The following EFTUD2 variants were observed in gnomAD, a reference collection of about 807,000 sequenced individuals.
EFTUD2 encodes elongation factor Tu GTP binding domain containing 2, also known as 116 kDa U5 small nuclear ribonucleoprotein component.
EFTUD2 carries 9 observed loss-of-function variants against 114.3 expected under a neutral mutation model. The ratio of observed to expected loss-of-function variants is 0.08; its 90% confidence interval spans 0.05 to 0.14. EFTUD2 has a LOEUF of 0.14. Among genes scored for constraint, EFTUD2 ranks in the 10% least tolerant of loss-of-function variants. EFTUD2 has a pLI of 1.00. For missense variants in EFTUD2, 765 were observed against 1,241.2 expected, an observed-to-expected ratio of 0.62 and a Z score of 5.76; for synonymous variants, 449 against 462.3, an observed-to-expected ratio of 0.97 and a Z score of 0.37.
intron 10 of EFTUD2, among the ~76,000 whole-genome samples, chr17:44,874,198 C>A (rs745752467): frequency 4.0e-5 from 6 of 151,830 alleles, no homozygotes; most frequent in Non-Finnish European, 8.8e-5. Flanking sequence ...CATGCCAGCA[C>A]GCCAAGCTAA....
intron 10 of EFTUD2, among the ~76,000 whole-genome samples, chr17:44,874,634 G>A (rs543095127): frequency 1.6e-4 from 25 of 152,242 alleles, no homozygotes; most frequent in Middle Eastern, 3.4e-3. Flanking sequence ...CTTTCAGCCT[G>A]TAGTAAGACT....
chr17:44,870,371 G>A (rs2050825488), intron 11 of EFTUD2, among the ~76,000 whole-genome samples: 1 of 152,070 alleles, frequency 6.6e-6, no homozygotes, highest in Non-Finnish European at 1.5e-5. Context: ...TTATTGTTTA[G>A]CTACCCATTT....
In EFTUD2 at chr17:44,876,180, T is replaced by C. The variant is rs1036767604; in HGVS notation, c.703-80A>G. 19 of 1,492,124 alleles carry C rather than the reference T, an allele frequency of 1.3e-5. No individual in the cohort carries two copies. The African/African-American group carries it at 1.8e-4, about 14-fold the overall frequency. The allele number at this position is 1,492,124 out of a possible 1,614,324, so 92.4% of individuals were successfully genotyped here. A position where few individuals can be genotyped will look rare whatever the true frequency, so the allele number is the denominator to read the frequency against. On this transcript the variant is annotated intron_variant, in intron 9 of 27. Coordinates refer to ENST00000426333, the MANE Select transcript of EFTUD2 (RefSeq NM_004247.4). ...CAAAGCAGAACCAAAGAAGGCACTATTTCAAACCATGAAGCCTGGGGAGAA... is the reference window on the plus strand; with the variant it reads ...CAAAGCAGAACCAAAGAAGGCACTACTTCAAACCATGAAGCCTGGGGAGAA...
intron 9 of EFTUD2, among the ~76,000 whole-genome samples, chr17:44,878,611 T>A (rs899348406): frequency 1.3e-5 from 2 of 152,248 alleles, no homozygotes; most frequent in Admixed American, 1.3e-4. Flanking sequence ...ATGTCCTTAT[T>A]CTTAGAAAAT....
chr17:44,873,049 T>G (rs1012386307), intron 10 of EFTUD2: 1 of 152,700 alleles, frequency 6.5e-6, no homozygotes, highest in African/African-American at 2.4e-5. Context: ...GCTTTTACAG[T>G]GTTAAAACTT....
At position 44,851,788 on chromosome 17, in the gene EFTUD2, G is replaced by A. The variant is rs2050456895; in HGVS notation, c.2745C>T (p.Ser915=). 1 of 1,609,672 alleles carries A rather than the reference G, an allele frequency of 6.2e-7. No individual in the cohort carries two copies. Among genetic ancestry groups the A allele is most frequent in the Non-Finnish European group, 8.5e-7 (1 of 1,178,650 alleles). The change falls in exon 27 of 28, where the codon AGC becomes AGT. Residue 915 remains serine, a synonymous_variant. Coordinates refer to ENST00000426333, the MANE Select transcript of EFTUD2 (RefSeq NM_004247.4). ...QIVPGDPLDK[S]IVIRPLEPQP... ...GTGGCTCCAAGGGGCGGATGACAAT[G>A]CTCTTGTCCAGGGGATCACCAGGCA...
rs185540676 is a variant in EFTUD2, at chr17:44,888,930, G to A, written c.106-2180C>T. Among the ~76,000 whole-genome samples, 315 of 135,124 alleles carry A rather than the reference G, an allele frequency of 2.3e-3. 1 individual carries two copies. Among genetic ancestry groups the A allele is most frequent in the South Asian group, 2.9e-3 (12 of 4,146 alleles). The allele number at this position is 135,124 out of a possible 152,430, so 88.6% of individuals were successfully genotyped here. On this transcript the variant is annotated intron_variant, in intron 2 of 27. Transcript: ENST00000426333. ...CAGATTGGAGATACAAATCTGAGTC[G>A]TCATAAAGTTATTTGATAGACTGGA...
intron 16 of EFTUD2, among the ~76,000 whole-genome samples, chr17:44,861,785 C>T (rs1027375401): frequency 1.3e-5 from 2 of 151,996 alleles, no homozygotes; most frequent in African/African-American, 4.8e-5. Flanking sequence ...TTCAATATTC[C>T]ACCTTTTGGC....
At chr17:44,880,905 A>AG (rs889942614) in intron 7 of EFTUD2, among the ~76,000 whole-genome samples, 5 of 152,258 alleles carry the variant, frequency 3.3e-5, no homozygotes, top group African/African-American at 1.2e-4. Flanking sequence ...CAGAGAATCC[A>AG]GGGTCCTAGA....
At chr17:44,855,141 A>C in intron 20 of EFTUD2, 137 bp from the exon 21 acceptor site, 1 of 751,774 alleles carries the variant, frequency 1.3e-6, no homozygotes, top group Non-Finnish European at 2.3e-6. Context: ...GGTGGTTCAG[A>C]CCTGTAATCC....
intron 19 of EFTUD2, chr17:44,857,554 G>A: frequency 4.2e-6 from 1 of 240,180 alleles, no homozygotes; most frequent in South Asian, 5.7e-5. Context: ...CAGCATCTGA[G>A]TGAAGCTCTG....
intron 20 of EFTUD2, among the ~76,000 whole-genome samples, chr17:44,855,964 A>C (rs1256122504): frequency 3.3e-5 from 5 of 150,942 alleles, no homozygotes; most frequent in Non-Finnish European, 1.5e-5. Context: ...AAAAGAAAAA[A>C]AAAAAAAGAA....
In EFTUD2 at chr17:44,853,301, C is replaced by T; in HGVS notation, c.2556G>A (p.Arg852=). Residue 852 remains arginine (R), a synonymous_variant, in exon 25 of 28, where the codon AGG becomes AGA. Transcript: ENST00000426333. ...CVSAVYTVLA[R]RRGHVTQDAP... Reference sequence around the variant, plus strand: ...ATACGCCTGGGGCCGCTCACCTGCGCCTGGCCAGGACGGTATAAACTGCAG... The same window carrying T: ...ATACGCCTGGGGCCGCTCACCTGCGTCTGGCCAGGACGGTATAAACTGCAG... The T allele has an allele frequency of 1.2e-6, 2 of 1,613,874 alleles. No homozygotes were observed. The highest frequency in any genetic ancestry group is 1.7e-6 in the Non-Finnish European group (2 of 1,179,856).
chr17:44,886,889 T>A, intron 2 of EFTUD2, 139 bp from the exon 3 acceptor site: 9 of 1,402,638 alleles, frequency 6.4e-6, no homozygotes, highest in Non-Finnish European at 8.6e-6. Flanking sequence ...TGGGGGAGGT[T>A]CCACTCCTTT....
At chr17:44,883,793 T>C in intron 4 of EFTUD2, 69 bp from the exon 5 acceptor site, 2 of 1,518,740 alleles carry the variant, frequency 1.3e-6, no homozygotes, top group East Asian at 4.5e-5. Context: ...GGTGTAAAGG[T>C]GTTTCAGGTA....
chr17:44,897,215 CAAAAAAAA>C (rs60766041), intron 1 of EFTUD2, among the ~76,000 whole-genome samples: 3 of 66,520 alleles, frequency 4.5e-5, no homozygotes, highest in African/African-American at 1.7e-4. Flanking sequence ...GACTCCGTCT[CAAAAAAAA>C]AAAAAAAAAA....
chr17:44,871,921 A>G (rs777456149), intron 11 of EFTUD2, among the ~76,000 whole-genome samples: 2 of 152,206 alleles, frequency 1.3e-5, no homozygotes, highest in African/African-American at 4.8e-5. Context: ...AGAGCCAGGG[A>G]GTCTCTCACA....
In EFTUD2 at chr17:44,850,002, TG is replaced by T. The variant is rs1372063721; in HGVS notation, c.*1271del. On this transcript the variant is annotated 3_prime_UTR_variant, in exon 28 of 28. Transcript: ENST00000426333. ...AGCAGACAGCCACTTGCTAACTGTG[TG>T]ACAGTGGACAAATCTTTCTCACTGA... The T allele has an allele frequency of 1.2e-5, 3 of 256,954 alleles. No homozygotes were observed. In the Admixed American group the frequency reaches 1.4e-4, roughly 12 times the overall value. 15.9% of individuals were successfully genotyped at this position (256,954 alleles called of 1,614,324 possible).
At chr17:44,891,452 C>T (rs147752346) in intron 2 of EFTUD2, among the ~76,000 whole-genome samples, 7,394 of 152,172 alleles carry the variant, frequency 0.049, 634 homozygotes, top group African/African-American at 0.17. Flanking sequence ...TGGGCTCAAG[C>T]CATCCTCCTG....
Sources: allele counts gnomAD v4.1 joint callset (sites outside exome capture counted in the v4.1 genomes callset), GRCh38; gene constraint gnomAD v4.1.1; transcripts MANE v1.5; gene names NCBI Gene and HGNC (gene_info 2026-07-23, HGNC 2026-07-21).